The following KIAA1549L variants were observed in gnomAD, a reference collection of about 807,000 sequenced individuals.
KIAA1549L encodes UPF0606 protein KIAA1549L.
Under a neutral mutation model 160.7 loss-of-function variants are expected in KIAA1549L, and 88 were observed. That is an observed-to-expected ratio of 0.55 (90% CI 0.46 to 0.65). KIAA1549L has a LOEUF of 0.65. Among genes scored for constraint, KIAA1549L ranks in the 30% least tolerant of loss-of-function variants. KIAA1549L has a pLI of 0.00. For missense variants in KIAA1549L, 2,258 were observed against 2,437.5 expected, an observed-to-expected ratio of 0.93 and a Z score of 1.55; for synonymous variants, 950 against 976.7, an observed-to-expected ratio of 0.97 and a Z score of 0.51.
chr11:33,593,941 G>T (rs1850132828), intron 12 of KIAA1549L, among the ~76,000 whole-genome samples: 1 of 152,110 alleles, frequency 6.6e-6, no homozygotes, highest in Non-Finnish European at 1.5e-5. Context: ...GAAAAGAAAA[G>T]ATCCAAGAAC....
intron 16 of KIAA1549L, among the ~76,000 whole-genome samples, chr11:33,644,972 G>A (rs1015844565): frequency 6.6e-6 from 1 of 152,222 alleles, no homozygotes; most frequent in Non-Finnish European, 1.5e-5. Context: ...AGCCTGTTCT[G>A]GAAGCTTATG....
intron 1 of KIAA1549L, among the ~76,000 whole-genome samples, chr11:33,421,846 G>A (rs1851018457): frequency 6.6e-6 from 1 of 152,034 alleles, no homozygotes; most frequent in Non-Finnish European, 1.5e-5. Flanking sequence ...ATTACTGGAG[G>A]GTTTGTTAAA....
At chr11:33,394,496 A>G (rs1236369022) in intron 1 of KIAA1549L, among the ~76,000 whole-genome samples, 5 of 152,256 alleles carry the variant, frequency 3.3e-5, no homozygotes, top group Non-Finnish European at 7.3e-5. Flanking sequence ...CCATAAAGAA[A>G]AGTCAGGATT....
chr11:33,547,146 C>A (rs1854292331), intron 3 of KIAA1549L, among the ~76,000 whole-genome samples: 1 of 152,246 alleles, frequency 6.6e-6, no homozygotes, highest in Non-Finnish European at 1.5e-5. Context: ...CAATCTCTTC[C>A]TCCTTGTCAG....
intron 1 of KIAA1549L, among the ~76,000 whole-genome samples, chr11:33,534,391 C>A (rs964484322): frequency 5.9e-5 from 9 of 151,956 alleles, no homozygotes; most frequent in Non-Finnish European, 1.2e-4. Flanking sequence ...CCGCACCTGG[C>A]CGCTTTCCAC....
intron 1 of KIAA1549L, among the ~76,000 whole-genome samples, chr11:33,393,153 C>T (rs541588447): frequency 3.9e-5 from 6 of 152,332 alleles, no homozygotes; most frequent in Non-Finnish European, 7.3e-5. Context: ...TCACACCTGC[C>T]GCTATAGCGA....
At chr11:33,540,340 C>T (rs1853988562) in intron 1 of KIAA1549L, among the ~76,000 whole-genome samples, 2 of 152,166 alleles carry the variant, frequency 1.3e-5, no homozygotes, top group South Asian at 4.1e-4. Flanking sequence ...AGAAGAAATC[C>T]TACACAGATT....
rs1564926409 is a variant in KIAA1549L at position 33,617,789 on chromosome 11, G to GGATGGATGGA, written c.5280-744_5280-743insGATGGATGGA. On this transcript the variant is annotated intron_variant, in intron 15 of 20. Coordinates refer to ENST00000658780, the MANE Select transcript of KIAA1549L (RefSeq NM_012194.3). ...CATTCGGTAAATGATGGAAGCCTCG[G>GGATGGATGGA]TGGATGGATGGATGGATGGATGGAT... is the stretch of plus-strand genomic sequence containing the variant. Among the ~76,000 whole-genome samples, 752 of 149,038 alleles carry GGATGGATGGA rather than the reference G, an allele frequency of 5.0e-3. 10 individuals carry two copies. Among genetic ancestry groups the GGATGGATGGA allele is most frequent in the African/African-American group, 0.018 (711 of 40,332 alleles).
Position 33,516,289 on chromosome 11 carries a change from C to T in KIAA1549L, c.239-25513C>T, listed in dbSNP as rs1486484336. Among the ~76,000 whole-genome samples, 2 of 60,536 alleles carry T rather than the reference C, an allele frequency of 3.3e-5. 1 individual carries two copies. The highest frequency in any genetic ancestry group is 5.8e-5 in the Non-Finnish European group (2 of 34,568). The allele number at this position is 60,536 out of a possible 152,430, so 39.7% of individuals were successfully genotyped here. A position where few individuals can be genotyped will look rare whatever the true frequency, so the allele number is the denominator to read the frequency against. ...GCCTCAGCCTCCCGAGTAGCTGGGA[C>T]TACAGGCGCCCGCCACTACGCCCGG... On this transcript the variant is annotated intron_variant, in intron 1 of 20. Transcript: ENST00000658780.
chr11:33,525,117 C>T (rs1317221159), intron 1 of KIAA1549L, among the ~76,000 whole-genome samples: 1 of 152,154 alleles, frequency 6.6e-6, no homozygotes. Context: ...TGTGGGGACT[C>T]AAACCATGAA....
At chr11:33,409,656 T>C (rs1464141730) in intron 1 of KIAA1549L, among the ~76,000 whole-genome samples, 1 of 152,200 alleles carries the variant, frequency 6.6e-6, no homozygotes, top group Non-Finnish European at 1.5e-5. Context: ...TTTATTCTTT[T>C]TCTTTGGAAA....
At chr11:33,481,441 A>G (rs1311947438) in intron 1 of KIAA1549L, among the ~76,000 whole-genome samples, 1 of 152,236 alleles carries the variant, frequency 6.6e-6, no homozygotes, top group African/African-American at 2.4e-5. Context: ...TAATGCATAA[A>G]TTGTTGCCTG....
chr11:33,561,714 A>G lies in KIAA1549L; in HGVS notation c.4057A>G (p.Arg1353Gly). 1 of 1,608,556 alleles carries G rather than the reference A, an allele frequency of 6.2e-7. No individual in the cohort carries two copies. Among genetic ancestry groups the G allele is most frequent in the Non-Finnish European group, 8.5e-7 (1 of 1,175,054 alleles). Residue 1353 changes from arginine to glycine, a missense_variant, in exon 8 of 21, where the codon AGA becomes GGA. Arg to Gly is a moderately radical substitution (Grantham distance 125). This residue lies in a region of KIAA1549L where 1,359 missense variants were observed against 1,546.6 expected (regional missense o/e 0.88). Coordinates refer to ENST00000658780, the MANE Select transcript of KIAA1549L (RefSeq NM_012194.3). ...CAACCTTGACATATCAGAAACAACCAGAGACTATTGGGTAATTACAGGTAA... is the reference window on the plus strand; with the variant it reads ...CAACCTTGACATATCAGAAACAACCGGAGACTATTGGGTAATTACAGGTAA... ...YPNLDISETT[R>G]DYWVITVLQG...
At chr11:33,493,283 T>G (rs1190141081) in intron 1 of KIAA1549L, among the ~76,000 whole-genome samples, 2 of 152,130 alleles carry the variant, frequency 1.3e-5, no homozygotes, top group African/African-American at 4.8e-5. Context: ...AGGCTGAGAG[T>G]TGGATCTTTT....
intron 1 of KIAA1549L, among the ~76,000 whole-genome samples, chr11:33,458,524 C>G (rs1322443706): frequency 6.6e-6 from 1 of 152,170 alleles, no homozygotes; most frequent in African/African-American, 2.4e-5. Flanking sequence ...TGGGCAGGCT[C>G]AGCTTGGTGA....
At chr11:33,600,358 C>A (rs906367353) in intron 13 of KIAA1549L, among the ~76,000 whole-genome samples, 3 of 152,134 alleles carry the variant, frequency 2.0e-5, no homozygotes, top group Non-Finnish European at 2.9e-5. Flanking sequence ...TTGAGTTCAG[C>A]AACTTTCTTC....
rs756511591 is a variant in KIAA1549L, at chr11:33,618,660, G to C, written c.5407G>C (p.Asp1803His). ...PRRGIRNSGY[D>H]TEPEIIEETN... ...GCGTGGAATCCGCAACAGCGGATAC[G>C]ATGTGAGTCTCTGGTGGGCTGGGTA... is the stretch of plus-strand genomic sequence containing the variant. Residue 1803 changes from aspartate to histidine, a missense_variant and splice_region_variant, in exon 16 of 21, where the codon GAT (aspartate) becomes CAT (histidine). By Grantham distance (81) the Asp-to-His change is moderately conservative (BLOSUM62 -1). Coordinates refer to ENST00000658780, the MANE Select transcript of KIAA1549L (RefSeq NM_012194.3). 1 of 1,582,498 alleles carries C rather than the reference G, an allele frequency of 6.3e-7. No individual in the cohort carries two copies. Among genetic ancestry groups the C allele is most frequent in the South Asian group, 1.2e-5 (1 of 86,908 alleles).
chr11:33,472,836 T>G (rs1852208357), intron 1 of KIAA1549L, among the ~76,000 whole-genome samples: 1 of 152,216 alleles, frequency 6.6e-6, no homozygotes, highest in Non-Finnish European at 1.5e-5. Flanking sequence ...GAGATTCACC[T>G]TACTAGTTGC....
chr11:33,530,833 T>G (rs1490149287), intron 1 of KIAA1549L, among the ~76,000 whole-genome samples: 2 of 152,150 alleles, frequency 1.3e-5, no homozygotes, highest in Non-Finnish European at 2.9e-5. Context: ...CAAATTATAA[T>G]GCCACATCTT....
Sources: gnomAD v4.1 joint callset for allele counts (sites outside exome capture counted in the v4.1 genomes callset) on GRCh38, gnomAD v4.1.1 for gene constraint, gnomAD v4.1.1 regional missense constraint, MANE v1.5 for transcripts, NCBI Gene and HGNC (gene_info 2026-07-23, HGNC 2026-07-21) for gene names.